The following FOXP3 variants were observed in gnomAD, a reference collection of about 807,000 sequenced individuals.
FOXP3 encodes the protein forkhead box protein P3.
A neutral mutation model predicts 31.2 loss-of-function variants in FOXP3; 5 were observed. The observed-to-expected ratio is 0.16, with a 90% CI of 0.08 to 0.34. The LOEUF (loss-of-function observed/expected upper bound fraction) is 0.34, where lower values mean the gene tolerates loss of function less well. FOXP3 is among the 10% of genes least tolerant of loss of function. The pLI is 1.00. For missense variants in FOXP3, 251 were observed against 363.0 expected, an observed-to-expected ratio of 0.69 and a Z score of 2.51; for synonymous variants, 141 against 148.8, an observed-to-expected ratio of 0.95 and a Z score of 0.38.
intron 1 of FOXP3, among the ~76,000 whole-genome samples, chrX:49,260,448 C>G (rs1189351470): frequency 8.9e-6 from 1 of 112,828 alleles, no homozygotes; most frequent in African/African-American, 3.2e-5. Context: ...TTCCACCACT[C>G]TGGCCTGGCC....
In FOXP3 at chrX:49,255,857, A is replaced by G. The variant is rs1309629003; in HGVS notation, c.648-55T>C. 10 of 1,038,878 alleles carry G rather than the reference A, an allele frequency of 9.6e-6. No homozygotes were observed. In the African/African-American group the frequency reaches 1.1e-4, roughly 12 times the overall value. The allele number at this position is 1,038,878 out of a possible 1,213,427, so 85.6% of individuals were successfully genotyped here. ...ACCACGACAGGCCTGGTCTGGCTCAATGCTCTGAATGGGGAGGGCCCAGAC... is the reference window on the plus strand; with the variant it reads ...ACCACGACAGGCCTGGTCTGGCTCAGTGCTCTGAATGGGGAGGGCCCAGAC... On this transcript the variant is annotated intron_variant, in intron 6 of 11. Transcript: ENST00000376207.
intron 1 of FOXP3, among the ~76,000 whole-genome samples, chrX:49,261,492 C>T (rs782547578): frequency 8.9e-6 from 1 of 112,621 alleles, no homozygotes; most frequent in East Asian, 2.8e-4. Flanking sequence ...ATCAGACTCT[C>T]TAGAGGGGCC....
chrX:49,257,501 G>A lies in FOXP3; in HGVS notation c.380C>T (p.Ala127Val). The A allele has an allele frequency of 8.6e-7, 1 of 1,162,837 alleles. No individual in the cohort carries two copies. Among genetic ancestry groups the A allele is most frequent in the Non-Finnish European group, 1.2e-6 (1 of 867,509 alleles). ...GGTGGGTGGTGTGAGGCTGATCATG[G>A]CTGGGCTCTCCAGGGGGTGCACCTG... ...VLQVHPLESP[A>V]MISLTPPTTA... is the part of the protein sequence containing the mutation. Residue 127 changes from alanine (A) to valine (V), a missense_variant, in exon 4 of 12, where the codon GCC becomes GTC. Physicochemically the swap from Ala to Val is moderately conservative, Grantham distance 64. This residue lies in a region of FOXP3 where 152 missense variants were observed against 188.1 expected (regional missense o/e 0.81). Transcript: ENST00000376207.
intron 10 of FOXP3, 79 bp downstream of exon 10, chrX:49,253,043 CAGAG>C (rs1386644940): frequency 2.3e-6 from 2 of 875,739 alleles, no homozygotes; most frequent in Admixed American, 2.6e-5. Flanking sequence ...TGAGGGCACT[CAGAG>C]GGAGACAGGA....
chrX:49,256,237 A>G lies in FOXP3; in HGVS notation c.648-435T>C, dbSNP rs1382414424. Among the ~76,000 whole-genome samples, 15 of 32,577 alleles carry G rather than the reference A, an allele frequency of 4.6e-4. 1 individual carries two copies. The highest frequency in any genetic ancestry group is 1.7e-3 in the Non-Finnish European group (15 of 8,855). 28.3% of individuals were successfully genotyped at this position (32,577 alleles called of 115,157 possible). Reference sequence around the variant, plus strand: ...GAGAGAGAAAGAGAGAGAGAGAGAGAGAGAGAGAGAGAGAGAGAGAGAGAG... The same window carrying G: ...GAGAGAGAAAGAGAGAGAGAGAGAGGGAGAGAGAGAGAGAGAGAGAGAGAG... On this transcript the variant is annotated intron_variant, in intron 6 of 11. Transcript: ENST00000376207.
intron 1 of FOXP3, among the ~76,000 whole-genome samples, chrX:49,264,175 C>A (rs957177609): frequency 9.1e-6 from 1 of 110,261 alleles, no homozygotes; most frequent in Non-Finnish European, 1.9e-5. Flanking sequence ...AGGAGAGATG[C>A]GGGGAAAGAG....
intron 9 of FOXP3, among the ~76,000 whole-genome samples, chrX:49,253,666 C>T (rs1462534800): frequency 1.8e-5 from 2 of 112,288 alleles, no homozygotes; most frequent in African/African-American, 6.5e-5. Context: ...GTGGGTGAGG[C>T]ATGGCCCCAA....
chrX:49,257,844 G>C (rs1236311500), intron 2 of FOXP3, 76 bp from the exon 3 acceptor site: 15 of 787,042 alleles, frequency 1.9e-5, no homozygotes, highest in Non-Finnish European at 1.9e-6. Context: ...ACTCTGCACT[G>C]CAAGCCCACA....
rs1246989799 is a variant in FOXP3 at position 49,250,745 on chromosome X, G to A, written c.*589C>T. 2 of 253,518 alleles carry A rather than the reference G, an allele frequency of 7.9e-6. No homozygotes were observed. The highest frequency in any genetic ancestry group is 1.5e-5 in the Non-Finnish European group (2 of 136,355). The allele number at this position is 253,518 out of a possible 1,213,427, so 20.9% of individuals were successfully genotyped here. Reference sequence around the variant, plus strand: ...ACGTGTTGGGACCTCAGATCCTGAGGGTACTGACGCTGCTTCTGTGTAGGC... The same window carrying A: ...ACGTGTTGGGACCTCAGATCCTGAGAGTACTGACGCTGCTTCTGTGTAGGC... On this transcript the variant is annotated 3_prime_UTR_variant, in exon 12 of 12. Coordinates refer to ENST00000376207, the MANE Select transcript of FOXP3 (RefSeq NM_014009.4).
intron 8 of FOXP3, 63 bp from the exon 9 acceptor site, chrX:49,254,130 T>G: frequency 8.9e-7 from 1 of 1,128,101 alleles, no homozygotes; most frequent in Non-Finnish European, 1.2e-6. Context: ...ACTTTCTATT[T>G]TATGTTTTTT....
chrX:49,253,833 C>T, intron 9 of FOXP3, 84 bp downstream of exon 9: 1 of 1,109,079 alleles, frequency 9.0e-7, no homozygotes, highest in Non-Finnish European at 1.2e-6. Context: ...GAAGGGGCAG[C>T]ATGGAGCTCC....
At chrX:49,257,386 G>T (rs782063944) in intron 4 of FOXP3, 41 bp downstream of exon 4, 8 of 1,128,609 alleles carry the variant, frequency 7.1e-6, no homozygotes, top group Non-Finnish European at 9.3e-6. Context: ...CTGGGGACTT[G>T]GGGGTTCTGT....
chrX:49,253,846 T>C lies in FOXP3; in HGVS notation c.967+71A>G, dbSNP rs2066049697. The C allele has an allele frequency of 6.0e-6, 7 of 1,168,468 alleles. No individual in the cohort carries two copies. The African/African-American group carries it at 8.8e-5, about 15-fold the overall frequency. On this transcript the variant is annotated intron_variant, in intron 9 of 11. Transcript: ENST00000376207. ...GGGAAGGGGCAGCATGGAGCTCCTT[T>C]GCACCCTCCACCCAGAGCCTGTCAG...
At chrX:49,259,017 G>A (rs1254886376) in intron 1 of FOXP3, among the ~76,000 whole-genome samples, 1 of 112,414 alleles carries the variant, frequency 8.9e-6, no homozygotes, top group Admixed American at 9.4e-5. Flanking sequence ...GGCTAGTGAG[G>A]AGGCTATTGT....
chrX:49,258,256 A>G (rs927714626), intron 2 of FOXP3, 40 bp downstream of exon 2: 25 of 1,079,058 alleles, frequency 2.3e-5, no homozygotes, highest in East Asian at 3.3e-5. Context: ...AGGTCCAGGT[A>G]CCCCACCCTG....
chrX:49,254,958 T>G (rs2066059179), intron 8 of FOXP3, among the ~76,000 whole-genome samples: 1 of 107,423 alleles, frequency 9.3e-6, no homozygotes, highest in Non-Finnish European at 1.9e-5. Flanking sequence ...TTTTTTTTTT[T>G]TTTTTCTTGA....
intron 1 of FOXP3, among the ~76,000 whole-genome samples, chrX:49,260,814 G>A (rs1247896895): frequency 4.4e-5 from 5 of 113,089 alleles, no homozygotes; most frequent in African/African-American, 9.6e-5. Flanking sequence ...GGCCGGATGC[G>A]CCGGGCTTCA....
rs2066129385 is a variant in FOXP3, at chrX:49,264,585, C to A, written c.-23+76G>T. The A allele has an allele frequency of 1.3e-5, 8 of 635,397 alleles. No individual in the cohort carries two copies. The highest frequency in any genetic ancestry group is 1.5e-5 in the Non-Finnish European group (8 of 531,048). 52.4% of individuals were successfully genotyped at this position (635,397 alleles called of 1,213,427 possible). On this transcript the variant is annotated intron_variant, in intron 1 of 11. Transcript: ENST00000376207. The stretch of plus-strand genomic sequence containing the variant: ...CCCACTGTACCAGAGGGCCCCTGAC[C>A]CCCCCGCCGTGCCTACCTCCCTGCC...
chrX:49,255,764 C>T lies in FOXP3; in HGVS notation c.686G>A (p.Arg229Lys), dbSNP rs782201224. 5 of 1,209,168 alleles carry T rather than the reference C, an allele frequency of 4.1e-6. No homozygotes were observed. Among genetic ancestry groups the T allele is most frequent in the Non-Finnish European group, 5.6e-6 (5 of 894,238 alleles). Reference protein sequence around the residue: ...QADHLLDEKGRAQCLLQREMV... With the variant: ...QADHLLDEKGKAQCLLQREMV... Reference sequence around the variant, plus strand: ...CTCTCTCTGGAGGAGACATTGTGCCCTGCCCTTCTCATCCAGAAGATGGTC... The same window carrying T: ...CTCTCTCTGGAGGAGACATTGTGCCTTGCCCTTCTCATCCAGAAGATGGTC... Residue 229 changes from arginine to lysine, a missense_variant, in exon 7 of 12, where the codon AGG (arginine) becomes AAG (lysine). Arg to Lys is a conservative substitution (Grantham distance 26). Coordinates refer to ENST00000376207, the MANE Select transcript of FOXP3 (RefSeq NM_014009.4).
Sources: allele counts gnomAD v4.1 joint callset (sites outside exome capture counted in the v4.1 genomes callset), GRCh38; gene constraint gnomAD v4.1.1; regional missense constraint gnomAD v4.1.1; transcripts MANE v1.5; gene names NCBI Gene and HGNC (gene_info 2026-07-23, HGNC 2026-07-21).